The following ATP10D variants were observed in gnomAD, a reference collection of about 807,000 sequenced individuals.
ATP10D encodes phospholipid-transporting ATPase VD.
In ATP10D, 89 loss-of-function variants were observed where a neutral mutation model predicts 144.8. That is an observed-to-expected ratio of 0.61 (90% CI 0.52 to 0.73). The LOEUF (loss-of-function observed/expected upper bound fraction) is 0.73. ATP10D is among the 30% of genes least tolerant of loss of function. The pLI, the probability that ATP10D is intolerant of heterozygous loss-of-function variation, is 0.00. For synonymous variants in ATP10D, 571 were observed against 615.1 expected, an observed-to-expected ratio of 0.93 and a Z score of 1.06; for missense variants, 1,603 against 1,714.8, an observed-to-expected ratio of 0.93 and a Z score of 1.15.
At chr4:47,572,017 A>G in intron 16 of ATP10D, 137 bp from the exon 17 acceptor site, 2 of 764,648 alleles carry the variant, frequency 2.6e-6, no homozygotes, top group Non-Finnish European at 4.4e-6. Context: ...TGTTTCACTT[A>G]CTTCCAGGAA....
intron 9 of ATP10D, among the ~76,000 whole-genome samples, chr4:47,543,516 G>A (rs1173112731): frequency 2.0e-5 from 3 of 152,152 alleles, no homozygotes; most frequent in Non-Finnish European, 2.9e-5. Context: ...ACTTCACCCA[G>A]TTATAACAAG....
intron 1 of ATP10D, among the ~76,000 whole-genome samples, chr4:47,503,516 G>A (rs1174035660): frequency 6.6e-6 from 1 of 152,148 alleles, no homozygotes; most frequent in Non-Finnish European, 1.5e-5. Flanking sequence ...CTTTATTAGT[G>A]GTAAAAGTGA....
At chr4:47,490,607 T>C (rs536826553) in intron 1 of ATP10D, among the ~76,000 whole-genome samples, 4 of 152,302 alleles carry the variant, frequency 2.6e-5, no homozygotes, top group Admixed American at 2.6e-4. Context: ...GGGTTGATGA[T>C]AGGAATATGT....
At chr4:47,511,676 A>G (rs535276307) in intron 1 of ATP10D, among the ~76,000 whole-genome samples, 58 of 152,322 alleles carry the variant, frequency 3.8e-4, no homozygotes, top group Middle Eastern at 6.8e-3. Context: ...CATAACATTT[A>G]TTGATTCATA....
chr4:47,557,180 G>A (rs1482385219), intron 11 of ATP10D, among the ~76,000 whole-genome samples: 1 of 151,708 alleles, frequency 6.6e-6, no homozygotes, highest in Non-Finnish European at 1.5e-5. Context: ...ATTTCAAGAT[G>A]TGTCTATTTT....
chr4:47,588,370 A>G (rs563466402), intron 22 of ATP10D, among the ~76,000 whole-genome samples: 1 of 152,308 alleles, frequency 6.6e-6, no homozygotes, highest in Admixed American at 6.5e-5. Context: ...AGTTCATGTT[A>G]TTCTATAACA....
At chr4:47,562,208 A>G (rs1353054250) in intron 14 of ATP10D, among the ~76,000 whole-genome samples, 1 of 152,216 alleles carries the variant, frequency 6.6e-6, no homozygotes, top group Non-Finnish European at 1.5e-5. Flanking sequence ...ATTATAGAAT[A>G]TGGTATATGC....
At chr4:47,549,363 A>G (rs1251514855) in intron 10 of ATP10D, among the ~76,000 whole-genome samples, 1 of 152,130 alleles carries the variant, frequency 6.6e-6, no homozygotes, top group Admixed American at 6.5e-5. Flanking sequence ...CTGTCTCAAT[A>G]TAAAGGCATC....
intron 15 of ATP10D, among the ~76,000 whole-genome samples, chr4:47,567,264 TGAA>T (rs945657606): frequency 3.9e-5 from 6 of 152,224 alleles, no homozygotes; most frequent in Non-Finnish European, 8.8e-5. Context: ...CCACAGATAA[TGAA>T]GATTAGCTGT....
At chr4:47,522,151 G>C (rs760578113) in intron 3 of ATP10D, among the ~76,000 whole-genome samples, 1 of 152,164 alleles carries the variant, frequency 6.6e-6, no homozygotes, top group Non-Finnish European at 1.5e-5. Context: ...CACCTAACTA[G>C]CTAACATGAC....
At chr4:47,567,037 C>G (rs1719674783) in intron 15 of ATP10D, among the ~76,000 whole-genome samples, 1 of 126,586 alleles carries the variant, frequency 7.9e-6, no homozygotes, top group East Asian at 3.2e-4. Context: ...ACCAAATAGC[C>G]CATGAAAAGA....
At chr4:47,541,912 C>T (rs1255401304) in intron 9 of ATP10D, among the ~76,000 whole-genome samples, 1 of 152,054 alleles carries the variant, frequency 6.6e-6, no homozygotes, top group Non-Finnish European at 1.5e-5. Context: ...AAAGAATAGA[C>T]TTTGTAAGTT....
chr4:47,550,427 GA>G (rs1307233556), intron 10 of ATP10D, among the ~76,000 whole-genome samples: 2 of 151,454 alleles, frequency 1.3e-5, no homozygotes, highest in African/African-American at 2.4e-5. Flanking sequence ...AGGAGAGAGA[GA>G]AAAAAAAGGA....
chr4:47,533,740 C>A (rs1341188353), intron 5 of ATP10D, among the ~76,000 whole-genome samples: 1 of 152,078 alleles, frequency 6.6e-6, no homozygotes, highest in African/African-American at 2.4e-5. Context: ...AATTTTCAAA[C>A]ACAAAAAAGT....
intron 1 of ATP10D, among the ~76,000 whole-genome samples, chr4:47,491,890 T>C (rs6815132): frequency 0.98 from 149,750 of 152,258 alleles, 73,693 homozygotes; most frequent in East Asian, 1. Flanking sequence ...ATATACTGCA[T>C]GATTATCCTA....
chr4:47,578,872 C>G (rs908985313), intron 19 of ATP10D, among the ~76,000 whole-genome samples: 7 of 152,060 alleles, frequency 4.6e-5, no homozygotes, highest in African/African-American at 1.7e-4. Flanking sequence ...TGTAAAAATT[C>G]CAAGTATATT....
intron 1 of ATP10D, among the ~76,000 whole-genome samples, chr4:47,510,932 T>C (rs1716292321): frequency 1.3e-5 from 2 of 152,248 alleles, no homozygotes; most frequent in Non-Finnish European, 2.9e-5. Flanking sequence ...AATGGTAACC[T>C]AATGTGCATT....
At chr4:47,537,439 C>G (rs1040974299) in intron 9 of ATP10D, among the ~76,000 whole-genome samples, 2 of 152,008 alleles carry the variant, frequency 1.3e-5, no homozygotes, top group African/African-American at 4.8e-5. Flanking sequence ...AAGAGTTGAA[C>G]TTTATTAATT....
Position 47,558,995 on chromosome 4 carries a change from A to T in ATP10D, c.2507A>T (p.Lys836Ile). The change falls in exon 13 of 23, where the codon AAA becomes ATA. Residue 836 changes from lysine (K) to isoleucine (I), a missense_variant. Coordinates refer to ENST00000273859, the MANE Select transcript of ATP10D (RefSeq NM_020453.4). The part of the protein sequence containing the change: ...KTQKHLDDYA[K>I]QGLRTLCIAK... The stretch of plus-strand genomic sequence containing the variant: ...CAGAAGCACTTGGATGACTATGCCA[A>T]ACAAGGCCTTCGTACTTTATGTATA... 1.2e-6 allele frequency: 2 copies of T among 1,614,200 alleles called. No individual in the cohort carries two copies. Among genetic ancestry groups the T allele is most frequent in the Non-Finnish European group, 1.7e-6 (2 of 1,180,010 alleles).
Sources: allele counts gnomAD v4.1 joint callset (sites outside exome capture counted in the v4.1 genomes callset), GRCh38; gene constraint gnomAD v4.1.1; transcripts MANE v1.5; gene names NCBI Gene and HGNC (gene_info 2026-07-23, HGNC 2026-07-21).